Variants in PIEZO2 observed in about 807,000 individuals in gnomAD.
PIEZO2 encodes the protein piezo type mechanosensitive ion channel component 2.
Under a neutral mutation model 337.3 loss-of-function variants are expected in PIEZO2, and 172 were observed. That is an observed-to-expected ratio of 0.51 (90% confidence interval 0.45 to 0.58). PIEZO2 has a LOEUF of 0.58. Ranked by LOEUF, PIEZO2 falls within the 20% of genes least tolerant of loss-of-function variation. The probability of loss-of-function intolerance (pLI) is 0.00; values close to 1 mark genes in which losing one functional copy is unlikely to be tolerated. For synonymous variants in PIEZO2, 1,251 were observed against 1,228.5 expected (o/e 1.02, Z -0.38); for missense variants, 3,028 against 3,391.3 (o/e 0.89, Z 2.66).
intron 7 of PIEZO2, among the ~76,000 whole-genome samples, chr18:10,839,513 G>C (rs932712084): frequency 6.6e-6 from 1 of 152,176 alleles, no homozygotes; most frequent in Non-Finnish European, 1.5e-5. Flanking sequence ...CCCTTATGCC[G>C]ATGATTGTCA....
Position 11,148,854 on chromosome 18 carries a change from C to T in PIEZO2, c.-266G>A. On this transcript the variant is annotated 5_prime_UTR_variant, in exon 1 of 56. Coordinates refer to ENST00000674853, the MANE Select transcript of PIEZO2 (RefSeq NM_001378183.1). This position sits in a 1 kb window ranked among gnomAD's most constrained non-coding sequence, Gnocchi z 5.2. ...CCGGCGCCCGGCCCCCTGCGGCCGG[C>T]CCATTTAGTGTGAATCCTGGATCCG... is the stretch of plus-strand genomic sequence containing the variant. 1 of 422,924 alleles carries T rather than the reference C, an allele frequency of 2.4e-6. No individual in the cohort carries two copies. The highest frequency in any genetic ancestry group is 4.1e-6 in the Non-Finnish European group (1 of 241,368). 26.2% of individuals were successfully genotyped at this position (422,924 alleles called of 1,614,324 possible). A position where few individuals can be genotyped will look rare whatever the true frequency, so the allele number is the denominator to read the frequency against.
intron 54 of PIEZO2, 136 bp downstream of exon 54, chr18:10,675,072 AG>A: frequency 1.9e-6 from 1 of 532,796 alleles, no homozygotes; most frequent in Non-Finnish European, 3.4e-6. Flanking sequence ...GAAGGCTGTC[AG>A]GGGTTTCATA....
In PIEZO2 at chr18:10,903,096, C is replaced by A. The variant is rs944775742; in HGVS notation, c.329+8090G>T. Among the ~76,000 whole-genome samples the A allele has an allele frequency of 6.6e-6, 1 of 152,156 alleles. No individual in the cohort carries two copies. The highest frequency in any genetic ancestry group is 1.5e-5 in the Non-Finnish European group (1 of 68,026). Reference sequence around the variant, plus strand: ...CCATGGGCTGTACTCATTCCAGAATCCTTCCTCCCCTACACGCTGACAGTC... The same window carrying A: ...CCATGGGCTGTACTCATTCCAGAATACTTCCTCCCCTACACGCTGACAGTC... On this transcript the variant is annotated intron_variant, in intron 4 of 55. Coordinates refer to ENST00000674853, the MANE Select transcript of PIEZO2 (RefSeq NM_001378183.1). The surrounding 1 kb of genome is among the most constrained non-coding windows in gnomAD (Gnocchi z 4.1).
At position 10,979,669 on chromosome 18, in the gene PIEZO2, T is replaced by TAA; in HGVS notation, c.161-11_161-10dup. 6.5e-7 allele frequency: 1 copy of TAA among 1,527,362 alleles called. No individual in the cohort carries two copies. The highest frequency in any genetic ancestry group is 8.8e-7 in the Non-Finnish European group (1 of 1,140,780). The allele number at this position is 1,527,362 out of a possible 1,614,324, so 94.6% of individuals were successfully genotyped here. On this transcript the variant is annotated splice_polypyrimidine_tract_variant and intron_variant, in intron 2 of 55. Coordinates refer to ENST00000674853, the MANE Select transcript of PIEZO2 (RefSeq NM_001378183.1). This position sits in a 1 kb window ranked among gnomAD's most constrained non-coding sequence, Gnocchi z 4.0. ...TAACCGTCCCGTATGTCCTAAGGGA[T>TAA]AAAAAGTGCAGAGATTGTGAGAGAG...
intron 2 of PIEZO2, among the ~76,000 whole-genome samples, chr18:10,981,321 A>G (rs993675293): frequency 6.6e-6 from 1 of 152,190 alleles, no homozygotes; most frequent in African/African-American, 2.4e-5. Context: ...TAGATATGAA[A>G]TCCATAAAAT....
rs576477422 is a variant in PIEZO2 at position 11,027,686 on chromosome 18, T to C, written c.160+38441A>G. ...GTTTAAGTTCCATTTGGGGTTGTCT[T>C]TCACAATTATGTTGTACAAATAAAT... On this transcript the variant is annotated intron_variant, in intron 2 of 55. Transcript: ENST00000674853. The surrounding 1 kb of genome is among the most constrained non-coding windows in gnomAD (Gnocchi z 4.2). 1.4e-4 allele frequency among the ~76,000 whole-genome samples: 22 copies of C among 152,296 alleles called. No homozygotes were observed. Among genetic ancestry groups the C allele is most frequent in the African/African-American group, 5.3e-4 (22 of 41,576 alleles).
Position 11,112,915 on chromosome 18 carries a change from C to T in PIEZO2, c.64+35610G>A, listed in dbSNP as rs561877285. Reference sequence around the variant, plus strand: ...AGTCTCTGGGCCCATCTAAGACTGCCTCCCAGGGTTTTCTCAGGTTCAAGC... The same window carrying T: ...AGTCTCTGGGCCCATCTAAGACTGCTTCCCAGGGTTTTCTCAGGTTCAAGC... On this transcript the variant is annotated intron_variant, in intron 1 of 55. Transcript: ENST00000674853. The surrounding 1 kb of genome is among the most constrained non-coding windows in gnomAD (Gnocchi z 4.3). Among the ~76,000 whole-genome samples, 1 of 152,310 alleles carries T rather than the reference C, an allele frequency of 6.6e-6. No individual in the cohort carries two copies. The highest frequency in any genetic ancestry group is 1.9e-4 in the East Asian group (1 of 5,182).
At chr18:10,965,835 C>A (rs954332767) in intron 3 of PIEZO2, among the ~76,000 whole-genome samples, 7 of 152,014 alleles carry the variant, frequency 4.6e-5, no homozygotes, top group African/African-American at 1.7e-4. Context: ...TGACATGGAG[C>A]AGTTAAGTGT....
intron 49 of PIEZO2, among the ~76,000 whole-genome samples, chr18:10,687,289 C>T (rs1490791480): frequency 3.4e-5 from 4 of 118,266 alleles, no homozygotes; most frequent in African/African-American, 1.1e-4. Context: ...TCCTCACTCC[C>T]CGCAACCCAT....
Position 11,146,835 on chromosome 18 carries a change from G to A in PIEZO2, c.64+1690C>T, listed in dbSNP as rs2040823684. On this transcript the variant is annotated intron_variant, in intron 1 of 55. Transcript: ENST00000674853. This position sits in a 1 kb window ranked among gnomAD's most constrained non-coding sequence, Gnocchi z 6.1. ...CCCTTGGAGAGCGGGATGGGGGATG[G>A]GGAAGAGGGTGTCCATCCTCCAGGA... Among the ~76,000 whole-genome samples the A allele has an allele frequency of 1.3e-5, 2 of 152,288 alleles. No homozygotes were observed. Among genetic ancestry groups the A allele is most frequent in the South Asian group, 4.1e-4 (2 of 4,824 alleles).
At position 10,794,929 on chromosome 18, in the gene PIEZO2, C is replaced by T. The variant is rs754416267; in HGVS notation, c.1601G>A (p.Arg534His). Residue 534 changes from arginine (R) to histidine (H), a missense_variant, in exon 13 of 56, where the codon CGC (arginine) becomes CAC (histidine). Coordinates refer to ENST00000674853, the MANE Select transcript of PIEZO2 (RefSeq NM_001378183.1). The surrounding 1 kb of genome is among the most constrained non-coding windows in gnomAD (Gnocchi z 6.6). Reference protein sequence around the residue: ...LIWSCTLWMIRNRRKYAMISS... With the variant: ...LIWSCTLWMIHNRRKYAMISS... ...GATCATGGCATATTTTCTTCTGTTG[C>T]GAATCATCCAAAGAGTGCACGACCA... is the stretch of plus-strand genomic sequence containing the variant. The T allele has an allele frequency of 6.5e-7, 1 of 1,544,804 alleles. No homozygotes were observed.
chr18:10,890,814 C>T (rs1045927173), intron 4 of PIEZO2: 2 of 151,954 alleles, frequency 1.3e-5, no homozygotes, highest in African/African-American at 4.9e-5. Flanking sequence ...ACCATCCCTC[C>T]TGCTGAGCAC....
In PIEZO2 at chr18:11,011,027, G is replaced by A. The variant is rs560812704; in HGVS notation, c.161-31367C>T. 1.5e-4 allele frequency among the ~76,000 whole-genome samples: 23 copies of A among 152,306 alleles called. No individual in the cohort carries two copies. The South Asian group carries it at 4.6e-3, about 30-fold the overall frequency. ...TTCAAAGCACAAGTCCCCATGCTAC[G>A]TGGTGTGAAAACACAAAGAAGGCAT... is the stretch of plus-strand genomic sequence containing the variant. On this transcript the variant is annotated intron_variant, in intron 2 of 55. Transcript: ENST00000674853.
rs1488689559 is a variant in PIEZO2, at chr18:10,888,686, C to T, written c.330-17271G>A. 6.6e-6 allele frequency among the ~76,000 whole-genome samples: 1 copy of T among 152,070 alleles called. No homozygotes were observed. Among genetic ancestry groups the T allele is most frequent in the Non-Finnish European group, 1.5e-5 (1 of 68,016 alleles). ...TTAACTGCTCAGGATTCTTTCTAGC[C>T]TCTGCTTTGTAAATCTTTGCTCTGA... On this transcript the variant is annotated intron_variant, in intron 4 of 55. Transcript: ENST00000674853. This position sits in a 1 kb window ranked among gnomAD's most constrained non-coding sequence, Gnocchi z 4.1.
intron 1 of PIEZO2, among the ~76,000 whole-genome samples, chr18:11,085,102 G>T (rs569622247): frequency 6.6e-6 from 1 of 152,160 alleles, no homozygotes; most frequent in Non-Finnish European, 1.5e-5. Flanking sequence ...ACAAGGTATT[G>T]TCATTTTTGT....
At chr18:10,822,050 G>T (rs894937516) in intron 7 of PIEZO2, among the ~76,000 whole-genome samples, 4 of 152,138 alleles carry the variant, frequency 2.6e-5, no homozygotes, top group African/African-American at 9.7e-5. Context: ...CTATTCATTT[G>T]TACTAATACA....
In PIEZO2 at chr18:10,950,773, T is replaced by G. The variant is rs551015321; in HGVS notation, c.286+28762A>C. On this transcript the variant is annotated intron_variant, in intron 3 of 55. Coordinates refer to ENST00000674853, the MANE Select transcript of PIEZO2 (RefSeq NM_001378183.1). ...GAGCTTCCTCGTACCGGCCTTACAC[T>G]GTTTAAACGGTATCTTCATCCACTG... is the stretch of plus-strand genomic sequence containing the variant. Among the ~76,000 whole-genome samples the G allele has an allele frequency of 1.1e-4, 17 of 152,304 alleles. No individual in the cohort carries two copies. In the East Asian group the frequency reaches 3.3e-3, roughly 29 times the overall value.
rs2038665933 is a variant in PIEZO2, at chr18:10,773,261, T to C, written c.2785+151A>G. Reference sequence around the variant, plus strand: ...ATTGTTGGAGCAATTGGAACAGTAATATTATAACTATAGCAATCAAACAAA... The same window carrying C: ...ATTGTTGGAGCAATTGGAACAGTAACATTATAACTATAGCAATCAAACAAA... On this transcript the variant is annotated intron_variant, in intron 20 of 55. Coordinates refer to ENST00000674853, the MANE Select transcript of PIEZO2 (RefSeq NM_001378183.1). The surrounding 1 kb of genome is among the most constrained non-coding windows in gnomAD (Gnocchi z 5.3). 1.3e-6 allele frequency: 1 copy of C among 754,836 alleles called. No individual in the cohort carries two copies. Among genetic ancestry groups the C allele is most frequent in the Non-Finnish European group, 2.1e-6 (1 of 471,664 alleles). 46.8% of individuals were successfully genotyped at this position (754,836 alleles called of 1,614,324 possible). A position where few individuals can be genotyped will look rare whatever the true frequency, so the allele number is the denominator to read the frequency against.
chr18:10,761,890 A>T (rs1349740290), intron 23 of PIEZO2, among the ~76,000 whole-genome samples: 1 of 152,258 alleles, frequency 6.6e-6, no homozygotes, highest in Non-Finnish European at 1.5e-5. Context: ...CCACAAAAAT[A>T]AAATGTGAAA....
Sources: allele counts gnomAD v4.1 joint callset (sites outside exome capture counted in the v4.1 genomes callset), GRCh38; gene constraint gnomAD v4.1.1; non-coding constraint Gnocchi (gnomAD v3.1); transcripts MANE v1.5; gene names NCBI Gene and HGNC (gene_info 2026-07-23, HGNC 2026-07-21).